Variants in PDE4B observed in about 807,000 individuals in gnomAD.
PDE4B encodes 3',5'-cyclic-AMP phosphodiesterase 4B.
A neutral mutation model predicts 82.2 loss-of-function variants in PDE4B; 20 were observed. The ratio of observed to expected loss-of-function variants is 0.24; its 90% CI spans 0.17 to 0.35. The LOEUF is 0.35. PDE4B is among the 10% of genes least tolerant of loss of function. The pLI, the probability that PDE4B is intolerant of heterozygous loss-of-function variation, is 1.00. For synonymous variants in PDE4B, 320 were observed against 318.9 expected, an observed-to-expected ratio of 1.00 and a Z score of -0.04; for missense variants, 655 against 907.2, an observed-to-expected ratio of 0.72 and a Z score of 3.57.
chr1:65,966,586 C>A (rs548875379), intron 3 of PDE4B, among the ~76,000 whole-genome samples: 3 of 152,082 alleles, frequency 2.0e-5, no homozygotes, highest in Non-Finnish European at 4.4e-5. Flanking sequence ...GCTCGTATAG[C>A]CAAGACAATC....
chr1:65,907,435 C>T (rs1034989692), intron 1 of PDE4B, among the ~76,000 whole-genome samples: 1 of 151,846 alleles, frequency 6.6e-6, no homozygotes, highest in African/African-American at 2.4e-5. Flanking sequence ...CTTTATTTGA[C>T]AATTGAGGAA....
chr1:65,984,030 G>A (rs561091884), intron 3 of PDE4B, among the ~76,000 whole-genome samples: 10 of 152,078 alleles, frequency 6.6e-5, no homozygotes, highest in Admixed American at 2.0e-4. Flanking sequence ...ACCTGTACAC[G>A]GATGTTTACA....
chr1:66,108,863 G>C (rs1242385272), intron 3 of PDE4B, among the ~76,000 whole-genome samples: 1 of 151,884 alleles, frequency 6.6e-6, no homozygotes, highest in Non-Finnish European at 1.5e-5. Flanking sequence ...TCAAACAAAT[G>C]ATTTGATATC....
At chr1:66,133,609 G>A (rs542204115) in intron 3 of PDE4B, among the ~76,000 whole-genome samples, 6 of 152,306 alleles carry the variant, frequency 3.9e-5, no homozygotes, top group Non-Finnish European at 8.8e-5. Context: ...ACCATAAGAA[G>A]TCTGTTGTTT....
chr1:66,183,426 C>A (rs1402097326), intron 3 of PDE4B, among the ~76,000 whole-genome samples: 1 of 152,120 alleles, frequency 6.6e-6, no homozygotes, highest in Non-Finnish European at 1.5e-5. Flanking sequence ...ATCTGCTGGG[C>A]AATTTGGCTG....
chr1:65,811,998 A>G (rs2101201309), intron 1 of PDE4B, among the ~76,000 whole-genome samples: 1 of 152,338 alleles, frequency 6.6e-6, no homozygotes, highest in Non-Finnish European at 1.5e-5. Context: ...GACCATTAAA[A>G]GACAAAATTA....
At chr1:65,994,728 C>A (rs1296532351) in intron 3 of PDE4B, among the ~76,000 whole-genome samples, 1 of 151,782 alleles carries the variant, frequency 6.6e-6, no homozygotes, top group Non-Finnish European at 1.5e-5. Context: ...CTATTTTAAC[C>A]AAAAGGATAT....
intron 3 of PDE4B, among the ~76,000 whole-genome samples, chr1:66,204,612 T>C (rs1470938962): frequency 1.3e-5 from 2 of 152,190 alleles, no homozygotes; most frequent in Non-Finnish European, 2.9e-5. Context: ...GTGCTAGCAA[T>C]CAACGAGACT....
intron 3 of PDE4B, among the ~76,000 whole-genome samples, chr1:66,009,129 T>G (rs1029508986): frequency 6.6e-6 from 1 of 152,294 alleles, no homozygotes; most frequent in Non-Finnish European, 1.5e-5. Context: ...GTTCCAAATC[T>G]TTTCCATTGC....
chr1:66,263,660 A>G (rs1654842323), intron 6 of PDE4B, among the ~76,000 whole-genome samples: 1 of 152,234 alleles, frequency 6.6e-6, no homozygotes, highest in Non-Finnish European at 1.5e-5. Flanking sequence ...ATGGACTGTA[A>G]CATGAAGAAA....
At chr1:65,998,199 C>A (rs1396504395) in intron 3 of PDE4B, among the ~76,000 whole-genome samples, 1 of 152,142 alleles carries the variant, frequency 6.6e-6, no homozygotes, top group African/African-American at 2.4e-5. Flanking sequence ...AAAGGTCAGA[C>A]AGGACAAGTA....
rs190632732 is a variant in PDE4B, at chr1:66,210,511, G to T, written c.282-36949G>T. 4.9e-3 allele frequency among the ~76,000 whole-genome samples: 703 copies of T among 142,246 alleles called. 3 individuals are homozygous for T. The highest frequency in any genetic ancestry group is 0.029 in the Middle Eastern group (8 of 272). The allele number at this position is 142,246 out of a possible 152,430, so 93.3% of individuals were successfully genotyped here. ...CTTGGGAGACTGAGGCAGGAGAATC[G>T]CTTGAACCCGGGAAGCGTAGGTTGC... On this transcript the variant is annotated intron_variant, in intron 3 of 16. Transcript: ENST00000341517.
intron 1 of PDE4B, among the ~76,000 whole-genome samples, chr1:65,907,442 G>A (rs1647039469): frequency 6.6e-6 from 1 of 152,028 alleles, no homozygotes; most frequent in Non-Finnish European, 1.5e-5. Flanking sequence ...TGACAATTGA[G>A]GAAACCGAAG....
At chr1:66,223,194 G>A (rs949552963) in intron 3 of PDE4B, among the ~76,000 whole-genome samples, 14 of 152,102 alleles carry the variant, frequency 9.2e-5, no homozygotes, top group Non-Finnish European at 1.5e-5. Context: ...ATAGTTTCAG[G>A]TAGTGATGCA....
chr1:66,004,841 A>G (rs1652061251), intron 3 of PDE4B, among the ~76,000 whole-genome samples: 1 of 151,914 alleles, frequency 6.6e-6, no homozygotes, highest in Non-Finnish European at 1.5e-5. Flanking sequence ...TTATTTGTTT[A>G]TTTATTTATT....
intron 3 of PDE4B, among the ~76,000 whole-genome samples, chr1:66,215,191 G>A (rs1444967018): frequency 6.6e-6 from 1 of 152,144 alleles, no homozygotes; most frequent in African/African-American, 2.4e-5. Flanking sequence ...ACAGCTAGCA[G>A]GTCATAGGCA....
chr1:65,823,854 C>A lies in PDE4B; in HGVS notation c.-71+30606C>A, dbSNP rs187679969. On this transcript the variant is annotated intron_variant, in intron 1 of 16. Transcript: ENST00000341517. ...AACACTATAGTTTCTTCCTTCCATG[C>A]CTGGCCACCCATGAGCTCCACTGCT... Among the ~76,000 whole-genome samples, 23 of 152,308 alleles carry A rather than the reference C, an allele frequency of 1.5e-4. No homozygotes were observed. In the East Asian group the frequency reaches 3.9e-3, roughly 26 times the overall value.
intron 1 of PDE4B, among the ~76,000 whole-genome samples, chr1:65,864,724 C>T (rs1333032093): frequency 6.6e-6 from 1 of 152,146 alleles, no homozygotes; most frequent in Admixed American, 6.5e-5. Flanking sequence ...GCTGCCTGCT[C>T]CTTACTCTGG....
intron 7 of PDE4B, chr1:66,331,844 G>T: frequency 1.0e-6 from 1 of 985,270 alleles, no homozygotes; most frequent in Non-Finnish European, 1.2e-6. Flanking sequence ...TTATCAGGGA[G>T]ACCTCATTTT....
Sources: gnomAD v4.1 joint callset for allele counts (sites outside exome capture counted in the v4.1 genomes callset) on GRCh38, gnomAD v4.1.1 for gene constraint, MANE v1.5 for transcripts, NCBI Gene and HGNC (gene_info 2026-07-23, HGNC 2026-07-21) for gene names.